The following ELK4 variants were observed in gnomAD, a reference collection of about 807,000 sequenced individuals.
ELK4 encodes the protein ETS transcription factor ELK4.
In ELK4, 16 loss-of-function variants were observed where a neutral mutation model predicts 29.6. The ratio of observed to expected loss-of-function variants is 0.54; its 90% CI spans 0.37 to 0.82. ELK4 has a LOEUF of 0.82. Ranked by LOEUF, ELK4 falls within the 40% of genes least tolerant of loss-of-function variation. ELK4 has a pLI of 0.00. For synonymous variants in ELK4, 213 were observed against 191.1 expected (o/e 1.11, Z -0.95); for missense variants, 465 against 507.1 (o/e 0.92, Z 0.80).
chr1:205,625,419 C>T, intron 1 of ELK4: 2 of 538,772 alleles, frequency 3.7e-6, no homozygotes, highest in Non-Finnish European at 3.4e-6. Context: ...CTATCACTGC[C>T]ACCCACCTCC....
chr1:205,620,310 T>C lies in ELK4; in HGVS notation c.736A>G (p.Met246Val), dbSNP rs758313739. 9 of 1,614,022 alleles carry C rather than the reference T, an allele frequency of 5.6e-6. No individual in the cohort carries two copies. The African/African-American group carries it at 6.7e-5, about 12-fold the overall frequency. The change falls in exon 3 of 5, where the codon ATG (methionine) becomes GTG (valine). Residue 246 changes from methionine to valine, a missense_variant. Met to Val is a conservative substitution (Grantham distance 21). This residue lies in a region of ELK4 where 385 missense variants were observed against 387.5 expected (regional missense o/e 0.99). Transcript: ENST00000357992. The part of the protein sequence containing the change: ...LEAPTSASNV[M>V]TAFATTPPIS... The stretch of plus-strand genomic sequence containing the variant: ...GGTGGTGTGGTGGCAAAAGCAGTCA[T>C]TACGTTAGAGGCAGAGGTTGGGGCT...
At position 205,620,501 on chromosome 1, in the gene ELK4, TGAG is replaced by T. The variant is rs766584195; in HGVS notation, c.542_544del (p.Pro181del). 46 of 1,614,088 alleles carry T rather than the reference TGAG, an allele frequency of 2.8e-5. No individual in the cohort carries two copies. The Middle Eastern group carries it at 8.2e-4, about 29-fold the overall frequency. On this transcript the variant is annotated inframe_deletion, in exon 3 of 5. Transcript: ENST00000357992. ...TTTGATGACAGATGGTGTGGGCTCC[TGAG>T]GAGATTTTTTCTCTGCCAGTTTCTC...
Position 205,620,632 on chromosome 1 carries a change from G to T in ELK4, c.414C>A (p.Arg138=). 2 of 1,614,118 alleles carry T rather than the reference G, an allele frequency of 1.2e-6. No homozygotes were observed. Among genetic ancestry groups the T allele is most frequent in the African/African-American group, 2.7e-5 (2 of 75,022 alleles). ...ATAAGCCAGAGTGTATGTAGTCATTGCGGCTAGAGGTCTTGGCACCAGGCT... is the reference window on the plus strand; with the variant it reads ...ATAAGCCAGAGTGTATGTAGTCATTTCGGCTAGAGGTCTTGGCACCAGGCT... ...PPQPGAKTSS[R]NDYIHSGLYS... The change falls in exon 3 of 5, where the codon CGC becomes CGA. Residue 138 remains arginine, a synonymous_variant. Transcript: ENST00000357992.
intron 1 of ELK4, chr1:205,625,680 T>A: frequency 6.3e-6 from 1 of 159,730 alleles, no homozygotes; most frequent in African/African-American, 3.2e-5. Context: ...CTGCTGCTTC[T>A]TTTTTTTTTT....
chr1:205,626,377 A>G (rs184078494), intron 1 of ELK4, among the ~76,000 whole-genome samples: 10 of 152,008 alleles, frequency 6.6e-5, no homozygotes, highest in Admixed American at 1.3e-4. Flanking sequence ...CGCCTTTCCC[A>G]TTCTGCTTTA....
chr1:205,631,865 G>A lies in ELK4; in HGVS notation c.-243C>T, dbSNP rs963492927. On this transcript the variant is annotated 5_prime_UTR_variant, in exon 1 of 5. Transcript: ENST00000357992. ...CCCCGCCCTCCCCGCCCCCGCACGC[G>A]GCAGCGGCGGCGCGGGTCTTGGGGC... is the stretch of plus-strand genomic sequence containing the variant. 10 of 148,210 alleles carry A rather than the reference G, an allele frequency of 6.7e-5. No homozygotes were observed. The highest frequency in any genetic ancestry group is 1.3e-4 in the Non-Finnish European group (9 of 66,692). The allele number at this position is 148,210 out of a possible 1,614,324, so 9.2% of individuals were successfully genotyped here.
In ELK4 at chr1:205,608,997, A is replaced by T. The variant is rs537432312; in HGVS notation, c.*7549T>A. On this transcript the variant is annotated 3_prime_UTR_variant, in exon 5 of 5. Coordinates refer to ENST00000357992, the MANE Select transcript of ELK4 (RefSeq NM_001973.4). ...TTGGCTTAATGAAAATTAAGAGTTT[A>T]TTATTAAGCATCTTTTAATTTTTAA... 1.1e-5 allele frequency: 2 copies of T among 188,760 alleles called. No homozygotes were observed. Among genetic ancestry groups the T allele is most frequent in the East Asian group, 1.7e-4 (2 of 11,780 alleles). The allele number at this position is 188,760 out of a possible 1,614,324, so 11.7% of individuals were successfully genotyped here. A position where few individuals can be genotyped will look rare whatever the true frequency, so the allele number is the denominator to read the frequency against.
At chr1:205,619,390 A>AT in intron 3 of ELK4, 1 of 1,061,606 alleles carries the variant, frequency 9.4e-7, no homozygotes, top group East Asian at 5.5e-5. Context: ...TTAAGCCAAC[A>AT]TTTATAAAGT....
intron 1 of ELK4, among the ~76,000 whole-genome samples, chr1:205,629,170 C>CAAAAAAAAAAAAAAAA (rs61374496): frequency 1.7e-4 from 16 of 92,264 alleles, no homozygotes; most frequent in African/African-American, 5.9e-4. Context: ...GACTACGTCT[C>CAAAAAAAAAAAAAAAA]AAAAAAAAAA....
intron 1 of ELK4, among the ~76,000 whole-genome samples, chr1:205,626,847 C>A (rs933423802): frequency 1.3e-5 from 2 of 152,176 alleles, no homozygotes; most frequent in Non-Finnish European, 2.9e-5. Context: ...AAAACTTACA[C>A]AGGACTGTTC....
chr1:205,625,365 C>T (rs752044367), intron 1 of ELK4: 45 of 390,996 alleles, frequency 1.2e-4, no homozygotes, highest in Middle Eastern at 7.8e-4. Context: ...AATAAACACA[C>T]GAAAAAATGC....
At chr1:205,621,193 T>TAAAAAA (rs61338827) in intron 2 of ELK4, among the ~76,000 whole-genome samples, 7 of 77,452 alleles carry the variant, frequency 9.0e-5, no homozygotes, top group African/African-American at 2.4e-4. Flanking sequence ...GAGTCTGTCT[T>TAAAAAA]AAAAAAAAAA....
chr1:205,619,090 A>G lies in ELK4; in HGVS notation c.1081-17T>C. 3 of 1,503,296 alleles carry G rather than the reference A, an allele frequency of 2.0e-6. No homozygotes were observed. The highest frequency in any genetic ancestry group is 2.7e-6 in the Non-Finnish European group (3 of 1,118,308). 93.1% of individuals were successfully genotyped at this position (1,503,296 alleles called of 1,614,324 possible). A position where few individuals can be genotyped will look rare whatever the true frequency, so the allele number is the denominator to read the frequency against. ...GATGGGTGTCTGCAATACACAAAGC[A>G]AAAATATTCACTGACTGACTTACCA... is the stretch of plus-strand genomic sequence containing the variant. On this transcript the variant is annotated splice_polypyrimidine_tract_variant and intron_variant, in intron 3 of 4. Transcript: ENST00000357992.
At chr1:205,623,572 C>T in intron 2 of ELK4, 104 bp downstream of exon 2, 3 of 1,344,056 alleles carry the variant, frequency 2.2e-6, no homozygotes, top group Non-Finnish European at 3.1e-6. Flanking sequence ...TCCTTGGCCT[C>T]CCAAAGTGCT....
rs1670192634 is a variant in ELK4 at position 205,614,016 on chromosome 1, T to A, written c.*2530A>T. The A allele has an allele frequency of 4.5e-6, 1 of 224,516 alleles. No individual in the cohort carries two copies. Among genetic ancestry groups the A allele is most frequent in the African/African-American group, 2.2e-5 (1 of 44,860 alleles). 13.9% of individuals were successfully genotyped at this position (224,516 alleles called of 1,614,324 possible). On this transcript the variant is annotated 3_prime_UTR_variant, in exon 5 of 5. Coordinates refer to ENST00000357992, the MANE Select transcript of ELK4 (RefSeq NM_001973.4). ...TCTATAAACAGAACTGTCTGCCTCA[T>A]ACACCTGCAGTAAGGTTGTAAACTT...
Position 205,620,540 on chromosome 1 carries a change from T to G in ELK4, c.506A>C (p.Glu169Ala), listed in dbSNP as rs757755425. 2 of 1,614,124 alleles carry G rather than the reference T, an allele frequency of 1.2e-6. No homozygotes were observed. The highest frequency in any genetic ancestry group is 1.7e-5 in the Admixed American group (1 of 59,998). ...CTCTGCCAGTTTCTCGGCTGGATTC[T>G]CAGTCTTTATCAATTTGAAAAGCTT... is the stretch of plus-strand genomic sequence containing the variant. ...NVKLFKLIKT[E>A]NPAEKLAEKK... Residue 169 changes from glutamate to alanine, a missense_variant, in exon 3 of 5, where the codon GAG becomes GCG. Physicochemically the swap from Glu to Ala is moderately radical, Grantham distance 107. Around this residue, in one of 2 missense-constraint regions of ELK4, gnomAD observed 385 missense variants for 387.5 expected, o/e 0.99. Coordinates refer to ENST00000357992, the MANE Select transcript of ELK4 (RefSeq NM_001973.4).
intron 1 of ELK4, among the ~76,000 whole-genome samples, chr1:205,628,202 G>A (rs1670504324): frequency 6.6e-6 from 1 of 152,220 alleles, no homozygotes; most frequent in Admixed American, 6.5e-5. Flanking sequence ...CGGCCATTAA[G>A]TATGGTGGAA....
rs1338501353 is a variant in ELK4 at position 205,613,059 on chromosome 1, T to C, written c.*3487A>G. ...ACCGTACTCCTCAAAATCCAGATTGTTTGTGCATACATTTAAAAAAAAAAA... is the reference window on the plus strand; with the variant it reads ...ACCGTACTCCTCAAAATCCAGATTGCTTGTGCATACATTTAAAAAAAAAAA... On this transcript the variant is annotated 3_prime_UTR_variant, in exon 5 of 5. Transcript: ENST00000357992. The C allele has an allele frequency of 5.0e-6, 1 of 198,156 alleles. No homozygotes were observed. The highest frequency in any genetic ancestry group is 1.0e-5 in the Non-Finnish European group (1 of 97,008). 12.3% of individuals were successfully genotyped at this position (198,156 alleles called of 1,614,324 possible).
chr1:205,615,771 T>C lies in ELK4; in HGVS notation c.*775A>G, dbSNP rs150339088. On this transcript the variant is annotated 3_prime_UTR_variant, in exon 5 of 5. Transcript: ENST00000357992. ...CAGAGGGCAAAGAGCATTTCTGTGC[T>C]AGATGTGAGGTCCCATATTCTTACT... The C allele has an allele frequency of 8.4e-4, 177 of 210,874 alleles. No individual in the cohort carries two copies. The highest frequency in any genetic ancestry group is 3.5e-3 in the African/African-American group (156 of 44,188). The allele number at this position is 210,874 out of a possible 1,614,324, so 13.1% of individuals were successfully genotyped here. A position where few individuals can be genotyped will look rare whatever the true frequency, so the allele number is the denominator to read the frequency against.
Sources: gnomAD v4.1 joint callset for allele counts (sites outside exome capture counted in the v4.1 genomes callset) on GRCh38, gnomAD v4.1.1 for gene constraint, gnomAD v4.1.1 regional missense constraint, MANE v1.5 for transcripts, NCBI Gene and HGNC (gene_info 2026-07-23, HGNC 2026-07-21) for gene names.